Variants in GSE1 observed in about 807,000 individuals in gnomAD.
GSE1 encodes genetic suppressor element 1.
GSE1 carries 32 observed loss-of-function variants against 112.6 expected under a neutral mutation model. That is an observed-to-expected ratio of 0.28 (90% CI 0.21 to 0.38). The LOEUF is 0.38. GSE1 is among the 10% of genes least tolerant of loss of function. The probability of loss-of-function intolerance (pLI) is 1.00; values close to 1 mark genes in which losing one functional copy is unlikely to be tolerated. For synonymous variants in GSE1, 1,115 were observed against 735.6 expected, an observed-to-expected ratio of 1.52 and a Z score of -8.35; for missense variants, 2,348 against 1,699.2, an observed-to-expected ratio of 1.38 and a Z score of -6.71.
chr16:85,444,186 A>G (rs149199771), intron 2 of GSE1, among the ~76,000 whole-genome samples: 1 of 151,980 alleles, frequency 6.6e-6, no homozygotes, highest in African/African-American at 2.4e-5. Context: ...GGCTTTCACC[A>G]TGTCGGCCAG....
intron 2 of GSE1, among the ~76,000 whole-genome samples, chr16:85,393,230 C>T (rs1214393152): frequency 1.3e-5 from 2 of 152,232 alleles, no homozygotes; most frequent in African/African-American, 4.8e-5. Context: ...GATTACGCCA[C>T]TTCACTCCAG....
At chr16:85,193,472 T>G (rs994315437) in intron 1 of GSE1, among the ~76,000 whole-genome samples, 1 of 107,042 alleles carries the variant, frequency 9.3e-6, no homozygotes, top group African/African-American at 3.2e-5. Flanking sequence ...TTTGCTTTTG[T>G]TTTTTTTGAG....
At chr16:85,246,434 TACACACACACACA>T (rs1905790316) in intron 1 of GSE1, among the ~76,000 whole-genome samples, 9 of 44,440 alleles carry the variant, frequency 2.0e-4, no homozygotes, top group African/African-American at 7.8e-4. Context: ...CCATGCTCTC[TACACACACACACA>T]CACACACACA....
intron 1 of GSE1, among the ~76,000 whole-genome samples, chr16:85,291,481 G>T (rs1044117601): frequency 6.6e-6 from 1 of 152,118 alleles, no homozygotes; most frequent in African/African-American, 2.4e-5. Context: ...CTCCTCCCCC[G>T]GCCCCCGCGT....
intron 1 of GSE1, among the ~76,000 whole-genome samples, chr16:85,233,356 A>G (rs77083753): frequency 0.011 from 1,747 of 152,316 alleles, 40 homozygotes; most frequent in African/African-American, 0.04. Context: ...ACCAAAATCA[A>G]GGGTACCTGA....
chr16:85,341,365 A>AT (rs2046620559), intron 1 of GSE1, among the ~76,000 whole-genome samples: 1 of 152,152 alleles, frequency 6.6e-6, no homozygotes, highest in South Asian at 2.1e-4. Context: ...AATTTTAAAA[A>AT]TTTTTGTAGA....
chr16:85,581,363 C>T (rs755793881), intron 1 of GSE1, among the ~76,000 whole-genome samples: 15 of 152,196 alleles, frequency 9.9e-5, no homozygotes, highest in Non-Finnish European at 1.8e-4. Context: ...TGCTGGGGGC[C>T]GTACTGCACG....
chr16:85,636,649 G>T (rs571809671), intron 2 of GSE1, among the ~76,000 whole-genome samples: 151 of 151,468 alleles, frequency 1.0e-3, no homozygotes, highest in African/African-American at 3.5e-3. Context: ...GCCACAGCGG[G>T]TGGGGTCGTG....
At chr16:85,580,503 C>T (rs1374602670) in intron 1 of GSE1, among the ~76,000 whole-genome samples, 1 of 152,184 alleles carries the variant, frequency 6.6e-6, no homozygotes. Flanking sequence ...CTGCTCTCAG[C>T]CAGAGAGACT....
chr16:85,371,574 G>A (rs1329411930), intron 2 of GSE1, among the ~76,000 whole-genome samples: 1 of 152,186 alleles, frequency 6.6e-6, no homozygotes, highest in African/African-American at 2.4e-5. Context: ...GGGCCTTGGG[G>A]CCACAGCTGA....
chr16:85,525,097 G>C (rs534029549), intron 2 of GSE1, among the ~76,000 whole-genome samples: 3 of 152,206 alleles, frequency 2.0e-5, no homozygotes, highest in African/African-American at 4.8e-5. Flanking sequence ...GGCCCGGGGG[G>C]TTTCGCCAGC....
intron 2 of GSE1, among the ~76,000 whole-genome samples, chr16:85,550,754 C>T (rs1220333473): frequency 1.3e-5 from 2 of 152,198 alleles, no homozygotes; most frequent in Non-Finnish European, 2.9e-5. Flanking sequence ...AGGCTGTCTC[C>T]GTGCTGTGGC....
intron 2 of GSE1, among the ~76,000 whole-genome samples, chr16:85,446,485 G>C (rs1391497699): frequency 6.6e-6 from 1 of 152,212 alleles, no homozygotes; most frequent in East Asian, 1.9e-4. Context: ...GGCATTGCTG[G>C]TGGCTCTCCT....
At chr16:85,269,353 G>A (rs1597242400) in intron 1 of GSE1, among the ~76,000 whole-genome samples, 1 of 149,324 alleles carries the variant, frequency 6.7e-6, no homozygotes, top group African/African-American at 2.4e-5. Flanking sequence ...GGAGGCGAGC[G>A]TAATTGACTT....
At position 85,511,664 on chromosome 16, in the gene GSE1, G is replaced by T. The variant is rs149872477; in HGVS notation, c.2465-122250G>T. ...AGGATTTGGAGATGGGATTGTCCTGGGGTATCCAGGTGGCCTAAATGCAAT... is the reference window on the plus strand; with the variant it reads ...AGGATTTGGAGATGGGATTGTCCTGTGGTATCCAGGTGGCCTAAATGCAAT... On this transcript the variant is annotated intron_variant, in intron 2 of 2. Transcript: ENST00000637419. Among the ~76,000 whole-genome samples the T allele has an allele frequency of 2.1e-3, 326 of 152,298 alleles. 2 individuals are homozygous for T. Among genetic ancestry groups the T allele is most frequent in the South Asian group, 0.014 (68 of 4,828 alleles).
intron 9 of GSE1, 111 bp downstream of exon 9, chr16:85,661,876 G>GACTACCCCAGGCAAAAA: frequency 9.0e-7 from 1 of 1,108,430 alleles, no homozygotes; most frequent in Non-Finnish European, 1.2e-6. Context: ...TTTTGCCTGG[G>GACTACCCCAGGCAAAAA]GTAGTCCCAG....
chr16:85,656,701 C>G, intron 7 of GSE1, 36 bp downstream of exon 7: 1 of 1,458,214 alleles, frequency 6.9e-7, no homozygotes, highest in African/African-American at 1.4e-5. Flanking sequence ...TGGGCAAGGT[C>G]TCAGCCACCC....
rs762810895 is a variant in GSE1 at position 85,674,099 on chromosome 16, T to G, written c.*1560T>G. On this transcript the variant is annotated 3_prime_UTR_variant, in exon 16 of 16. Transcript: ENST00000253458. The stretch of plus-strand genomic sequence containing the variant: ...AGGCCTCTCTTGCTCCCAAGGGCCC[T>G]CACCAGAGGCCAGGGCTGCCAGTCA... The G allele has an allele frequency of 2.0e-5, 3 of 152,236 alleles. No homozygotes were observed. The highest frequency in any genetic ancestry group is 2.9e-5 in the Non-Finnish European group (2 of 68,078). The allele number at this position is 152,236 out of a possible 1,614,324, so 9.4% of individuals were successfully genotyped here.
chr16:85,600,606 A>C (rs914550553), intron 1 of GSE1, among the ~76,000 whole-genome samples: 2 of 151,788 alleles, frequency 1.3e-5, no homozygotes, highest in African/African-American at 4.8e-5. Flanking sequence ...ACACACACAC[A>C]CACACCCCAA....
Sources: allele counts gnomAD v4.1 joint callset (sites outside exome capture counted in the v4.1 genomes callset), GRCh38; gene constraint gnomAD v4.1.1; transcripts MANE v1.5; gene names NCBI Gene and HGNC (gene_info 2026-07-23, HGNC 2026-07-21).